Variants in OXR1 observed in about 807,000 individuals in gnomAD.
OXR1 encodes oxidation resistance 1, also known as oxidation resistance protein 1.
A neutral mutation model predicts 104.6 loss-of-function variants in OXR1; 41 were observed. The ratio of observed to expected loss-of-function variants is 0.39; its 90% CI spans 0.31 to 0.51. The LOEUF is 0.51. Among genes scored for constraint, OXR1 ranks in the 20% least tolerant of loss-of-function variants. The pLI is 0.77. For missense variants in OXR1, 955 were observed against 1,031.9 expected (o/e 0.93, Z 1.02); for synonymous variants, 348 against 348.4 (o/e 1.00, Z 0.01).
At chr8:106,735,576 TG>T (rs1587286981) in intron 11 of OXR1, among the ~76,000 whole-genome samples, 2 of 152,100 alleles carry the variant, frequency 1.3e-5, no homozygotes, top group African/African-American at 4.8e-5. Flanking sequence ...AATTGTTAAC[TG>T]GAGGGATAGA....
At position 106,723,875 on chromosome 8, in the gene OXR1, G is replaced by C. The variant is rs189903267; in HGVS notation, c.1956+9890G>C. On this transcript the variant is annotated intron_variant, in intron 11 of 16. Transcript: ENST00000517566. ...CACACTCACAGCTCACTGCATCCTC[G>C]AACTCCTGGGCTCAAGAGGTCCTCC... Among the ~76,000 whole-genome samples the C allele has an allele frequency of 1.6e-3, 243 of 151,914 alleles. 2 individuals are homozygous for C. Among genetic ancestry groups the C allele is most frequent in the African/African-American group, 5.7e-3 (238 of 41,444 alleles).
chr8:106,328,923 C>G (rs78399104), intron 1 of OXR1, among the ~76,000 whole-genome samples: 6,211 of 152,210 alleles, frequency 0.041, 420 homozygotes, highest in African/African-American at 0.14. Flanking sequence ...CATCCCTAGC[C>G]TGGATTACCA....
At chr8:106,382,692 T>TG (rs1817201499) in intron 2 of OXR1, among the ~76,000 whole-genome samples, 1 of 145,746 alleles carries the variant, frequency 6.9e-6, no homozygotes, top group Admixed American at 6.8e-5. Flanking sequence ...GTTTTTTTTT[T>TG]TTTTTTTTTT....
chr8:106,656,586 G>C (rs557467750), intron 3 of OXR1, among the ~76,000 whole-genome samples: 1 of 152,210 alleles, frequency 6.6e-6, no homozygotes, highest in Middle Eastern at 3.4e-3. Context: ...CAGAAGTCTG[G>C]AACAGTTCTT....
chr8:106,518,162 A>G (rs1471604687), intron 2 of OXR1, among the ~76,000 whole-genome samples: 2 of 152,240 alleles, frequency 1.3e-5, no homozygotes, highest in Non-Finnish European at 2.9e-5. Flanking sequence ...TCAGAAAATA[A>G]AGAAAATTGC....
At chr8:106,678,367 TTTTTAA>T (rs1563696096) in intron 3 of OXR1, among the ~76,000 whole-genome samples, 1 of 152,052 alleles carries the variant, frequency 6.6e-6, no homozygotes, top group African/African-American at 2.4e-5. Context: ...AAAACTATAG[TTTTTAA>T]TTTTGGTAAA....
chr8:106,404,953 CGTCA>C (rs2130487136), intron 2 of OXR1, among the ~76,000 whole-genome samples: 1 of 151,992 alleles, frequency 6.6e-6, no homozygotes, highest in African/African-American at 2.4e-5. Flanking sequence ...GATCCACCCG[CGTCA>C]GCCTCCCAAA....
At position 106,706,992 on chromosome 8, in the gene OXR1, CAAAATCA is replaced by C; in HGVS notation, c.1472_1478del (p.Gln491ArgfsTer48). 6.2e-7 allele frequency: 1 copy of C among 1,613,724 alleles called. No homozygotes were observed. The highest frequency in any genetic ancestry group is 8.5e-7 in the Non-Finnish European group (1 of 1,179,898). ...TAACAAAGGAAAACAAGGAAAGGAG[CAAAATCA>C]GGACTCACAGACAGAGGCAGAAGAG... On this transcript the variant is annotated frameshift_variant, in exon 9 of 17. Coordinates refer to ENST00000517566, the MANE Select transcript of OXR1 (RefSeq NM_001198533.2). LOFTEE classifies it high-confidence loss of function.
chr8:106,456,956 C>G (rs984891811), intron 2 of OXR1, among the ~76,000 whole-genome samples: 10 of 152,124 alleles, frequency 6.6e-5, no homozygotes, highest in Admixed American at 2.0e-4. Flanking sequence ...TCAAATTGAC[C>G]TTTAATTAAG....
chr8:106,430,716 T>C (rs1819329120), intron 2 of OXR1, among the ~76,000 whole-genome samples: 1 of 152,148 alleles, frequency 6.6e-6, no homozygotes, highest in African/African-American at 2.4e-5. Flanking sequence ...CTAGTACCAG[T>C]GGATTTCAAG....
chr8:106,586,217 T>C (rs887303297), intron 3 of OXR1, among the ~76,000 whole-genome samples: 3 of 152,102 alleles, frequency 2.0e-5, no homozygotes, highest in Non-Finnish European at 2.9e-5. Flanking sequence ...ATGGTAGTGC[T>C]AGAGGTGGTG....
intron 3 of OXR1, among the ~76,000 whole-genome samples, chr8:106,625,249 A>G (rs1822053554): frequency 6.6e-6 from 1 of 152,092 alleles, no homozygotes; most frequent in Non-Finnish European, 1.5e-5. Context: ...CTAAATCAAA[A>G]TTTTCAAGCT....
chr8:106,533,078 G>A (rs1814211479), intron 3 of OXR1, among the ~76,000 whole-genome samples: 1 of 152,058 alleles, frequency 6.6e-6, no homozygotes, highest in Non-Finnish European at 1.5e-5. Flanking sequence ...GTCACATCTG[G>A]GGTTTTTCTC....
intron 3 of OXR1, among the ~76,000 whole-genome samples, chr8:106,599,940 G>A (rs1372591027): frequency 6.6e-6 from 1 of 152,178 alleles, no homozygotes; most frequent in Non-Finnish European, 1.5e-5. Context: ...TCCCTCACAT[G>A]TGCAGTTTAT....
chr8:106,279,445 G>A (rs947520073), intron 1 of OXR1, among the ~76,000 whole-genome samples: 1 of 152,114 alleles, frequency 6.6e-6, no homozygotes, highest in African/African-American at 2.4e-5. Flanking sequence ...TTATGGGTAA[G>A]GTTTTCTTTG....
intron 2 of OXR1, among the ~76,000 whole-genome samples, chr8:106,493,449 G>A (rs1436222217): frequency 6.6e-6 from 1 of 152,122 alleles, no homozygotes; most frequent in African/African-American, 2.4e-5. Context: ...AACCAGACGG[G>A]CCTGGGAGCC....
intron 3 of OXR1, among the ~76,000 whole-genome samples, chr8:106,588,771 G>A (rs1818850167): frequency 6.6e-6 from 1 of 152,196 alleles, no homozygotes; most frequent in African/African-American, 2.4e-5. Context: ...GAGCCACCGC[G>A]CCCAGCCTCT....
In OXR1 at chr8:106,707,011, C is replaced by G. The variant is rs553377741; in HGVS notation, c.1490C>G (p.Thr497Arg). The G allele has an allele frequency of 6.2e-7, 1 of 1,613,836 alleles. No homozygotes were observed. Among genetic ancestry groups the G allele is most frequent in the East Asian group, 2.2e-5 (1 of 44,864 alleles). ...QGKEQNQDSQ[T>R]EAEELRKLWK... is the part of the protein sequence containing the mutation. ...AAGGAGCAAAATCAGGACTCACAGA[C>G]AGAGGCAGAAGAGCTACGCAAACTT... Residue 497 changes from threonine to arginine, a missense_variant, in exon 9 of 17, where the codon ACA becomes AGA. Physicochemically the swap from Thr to Arg is moderately conservative, Grantham distance 71. Transcript: ENST00000517566.
intron 2 of OXR1, among the ~76,000 whole-genome samples, chr8:106,389,878 C>G (rs1817526011): frequency 6.6e-6 from 1 of 152,026 alleles, no homozygotes; most frequent in Non-Finnish European, 1.5e-5. Context: ...CCAGCCTGAC[C>G]CACATGTTGA....
Sources: allele counts gnomAD v4.1 joint callset (sites outside exome capture counted in the v4.1 genomes callset), GRCh38; gene constraint gnomAD v4.1.1; transcripts MANE v1.5; gene names NCBI Gene and HGNC (gene_info 2026-07-23, HGNC 2026-07-21).